Variants in SH3D19 observed in about 807,000 individuals in gnomAD.
The protein encoded by SH3D19 is SH3 domain-containing protein 19.
In SH3D19, 58 loss-of-function variants were observed where a neutral mutation model predicts 112.1. The observed-to-expected ratio is 0.52, with a 90% CI of 0.42 to 0.64. SH3D19 has a LOEUF of 0.64. SH3D19 is among the 30% of genes least tolerant of loss of function. SH3D19 has a pLI of 0.00. For synonymous variants in SH3D19, 391 were observed against 448.5 expected, an observed-to-expected ratio of 0.87 and a Z score of 1.62; for missense variants, 1,090 against 1,263.4, an observed-to-expected ratio of 0.86 and a Z score of 2.08.
chr4:151,149,684 A>T, intron 9 of SH3D19, 123 bp from the exon 10 acceptor site: 1 of 760,824 alleles, frequency 1.3e-6, no homozygotes, highest in Non-Finnish European at 2.2e-6. Flanking sequence ...TATAGAAAGT[A>T]GCTTAAAAGA....
rs560019085 is a variant in SH3D19, at chr4:151,243,676, T to C, written c.113-17590A>G. On this transcript the variant is annotated intron_variant, in intron 1 of 19. Coordinates refer to ENST00000604030, the MANE Select transcript of SH3D19 (RefSeq NM_001378122.1). ...TTATTTTGAAAACTGAAACAGACCA[T>C]GAGACACTAGATCTGTATCATATGT... 4.6e-5 allele frequency among the ~76,000 whole-genome samples: 7 copies of C among 152,322 alleles called. No homozygotes were observed. The South Asian group carries it at 1.2e-3, about 27-fold the overall frequency.
At chr4:151,184,749 T>C (rs936981054) in intron 3 of SH3D19, among the ~76,000 whole-genome samples, 4 of 152,200 alleles carry the variant, frequency 2.6e-5, no homozygotes, top group African/African-American at 7.2e-5. Context: ...CCTTCTCAAA[T>C]TACAGTCCAT....
chr4:151,314,272 G>C (rs1161440181), intron 1 of SH3D19, among the ~76,000 whole-genome samples: 1 of 152,156 alleles, frequency 6.6e-6, no homozygotes, highest in African/African-American at 2.4e-5. Context: ...GTTGGCACTA[G>C]GCAAAATAAC....
intron 1 of SH3D19, among the ~76,000 whole-genome samples, chr4:151,264,921 T>C (rs927240657): frequency 1.3e-5 from 2 of 151,994 alleles, no homozygotes; most frequent in Non-Finnish European, 2.9e-5. Flanking sequence ...ACTTGATGAA[T>C]AAAGAATAAA....
chr4:151,128,115 T>C, intron 18 of SH3D19, 55 bp downstream of exon 18: 1 of 1,439,396 alleles, frequency 6.9e-7, no homozygotes, highest in East Asian at 2.4e-5. Context: ...TATATAGTTT[T>C]GAAGGTTTCA....
intron 1 of SH3D19, among the ~76,000 whole-genome samples, chr4:151,289,762 A>G (rs973006286): frequency 3.3e-5 from 5 of 152,182 alleles, no homozygotes; most frequent in Admixed American, 3.3e-4. Flanking sequence ...ATGACCAAGA[A>G]AGATAAAAAT....
chr4:151,240,414 A>G (rs1014274265), intron 1 of SH3D19, among the ~76,000 whole-genome samples: 1 of 147,354 alleles, frequency 6.8e-6, no homozygotes, highest in East Asian at 2.0e-4. Flanking sequence ...ATGTCTCTTA[A>G]AAAAAAAAAA....
chr4:151,212,778 T>G (rs944643232), intron 2 of SH3D19, among the ~76,000 whole-genome samples: 5 of 152,220 alleles, frequency 3.3e-5, no homozygotes, highest in Non-Finnish European at 7.3e-5. Flanking sequence ...AAGAAATACA[T>G]TTTGTAAGGC....
At chr4:151,251,629 C>G (rs1771410621) in intron 1 of SH3D19, among the ~76,000 whole-genome samples, 1 of 152,186 alleles carries the variant, frequency 6.6e-6, no homozygotes, top group Admixed American at 6.5e-5. Context: ...TTACTTTCCT[C>G]CTTTCCAGCT....
intron 1 of SH3D19, chr4:151,228,106 A>C: frequency 1.1e-6 from 1 of 893,658 alleles, no homozygotes; most frequent in African/African-American, 1.8e-5. Context: ...AAGAAAATAC[A>C]AATGTCTTCT....
Position 151,253,645 on chromosome 4 carries a change from G to A in SH3D19, c.113-27559C>T, listed in dbSNP as rs1034412127. On this transcript the variant is annotated intron_variant, in intron 1 of 19. Coordinates refer to ENST00000604030, the MANE Select transcript of SH3D19 (RefSeq NM_001378122.1). ...AGTCTCAGCTACTCAGGAGGCTGACGCAGGAGAATGGTGTGAACCGGGGAA... is the reference window on the plus strand; with the variant it reads ...AGTCTCAGCTACTCAGGAGGCTGACACAGGAGAATGGTGTGAACCGGGGAA... 3.3e-5 allele frequency among the ~76,000 whole-genome samples: 5 copies of A among 152,148 alleles called. No individual in the cohort carries two copies. The East Asian group carries it at 5.8e-4, about 18-fold the overall frequency.
chr4:151,132,422 AT>A, intron 16 of SH3D19, 39 bp from the exon 17 acceptor site: 1 of 1,586,668 alleles, frequency 6.3e-7, no homozygotes, highest in Non-Finnish European at 8.6e-7. Context: ...AAGTCAGAAC[AT>A]TAGATGTGAA....
At chr4:151,265,451 C>A (rs1772704456) in intron 1 of SH3D19, among the ~76,000 whole-genome samples, 2 of 150,380 alleles carry the variant, frequency 1.3e-5, no homozygotes, top group African/African-American at 2.4e-5. Flanking sequence ...TATAAAATCA[C>A]AAAATATAAC....
rs1294906285 is a variant in SH3D19, at chr4:151,139,985, C to G, written c.2224-138G>C. The G allele has an allele frequency of 5.0e-6, 3 of 603,702 alleles. No homozygotes were observed. In the African/African-American group the frequency reaches 5.6e-5, roughly 11 times the overall value. The allele number at this position is 603,702 out of a possible 1,614,324, so 37.4% of individuals were successfully genotyped here. On this transcript the variant is annotated intron_variant, in intron 12 of 19. Transcript: ENST00000604030. ...TTATGAGTACATGATGCAAACCACA[C>G]AGTTGAGCCAAACAAGGGAATTATT...
intron 18 of SH3D19, 68 bp from the exon 19 acceptor site, chr4:151,127,783 T>TAA: frequency 1.1e-6 from 1 of 934,076 alleles, no homozygotes; most frequent in South Asian, 2.2e-5. Flanking sequence ...TAACATTTTT[T>TAA]AAAAAAAAAC....
intron 1 of SH3D19, among the ~76,000 whole-genome samples, chr4:151,282,712 G>A (rs1265828415): frequency 3.3e-5 from 5 of 152,094 alleles, no homozygotes; most frequent in African/African-American, 9.7e-5. Flanking sequence ...TTTGGAGAGC[G>A]TCTAGTGTTT....
intron 1 of SH3D19, among the ~76,000 whole-genome samples, chr4:151,227,299 A>G (rs546760402): frequency 6.6e-6 from 1 of 152,362 alleles, no homozygotes; most frequent in African/African-American, 2.4e-5. Flanking sequence ...GTATGTAACA[A>G]TTCTTTCTGA....
chr4:151,271,277 T>C (rs1463124030), intron 1 of SH3D19, among the ~76,000 whole-genome samples: 1 of 152,206 alleles, frequency 6.6e-6, no homozygotes, highest in Non-Finnish European at 1.5e-5. Context: ...CATTTTCCAA[T>C]ATAGTAGACT....
At chr4:151,284,514 A>G (rs1191334248) in intron 1 of SH3D19, among the ~76,000 whole-genome samples, 1 of 152,202 alleles carries the variant, frequency 6.6e-6, no homozygotes, top group Non-Finnish European at 1.5e-5. Context: ...GATCACAGTT[A>G]TAATAGTTGC....
Sources: gnomAD v4.1 joint callset for allele counts (sites outside exome capture counted in the v4.1 genomes callset) on GRCh38, gnomAD v4.1.1 for gene constraint, MANE v1.5 for transcripts, NCBI Gene and HGNC (gene_info 2026-07-23, HGNC 2026-07-21) for gene names.